LRRC4C: variants seen among roughly 807,000 people sequenced by gnomAD.
LRRC4C encodes the protein leucine rich repeat containing 4C.
Under a neutral mutation model 33.6 loss-of-function variants are expected in LRRC4C, and 5 were observed. The observed-to-expected ratio is 0.15, with a 90% confidence interval of 0.08 to 0.31. LRRC4C has a LOEUF of 0.31. LRRC4C is among the 10% of genes least tolerant of loss of function. The probability of loss-of-function intolerance (pLI) is 1.00; values close to 1 mark genes in which losing one functional copy is unlikely to be tolerated. For missense variants in LRRC4C, 560 were observed against 796.7 expected (o/e 0.70, Z 3.58); for synonymous variants, 329 against 302.0 (o/e 1.09, Z -0.93).
At chr11:40,614,507 G>T (rs976323867) in intron 3 of LRRC4C, among the ~76,000 whole-genome samples, 6 of 151,588 alleles carry the variant, frequency 4.0e-5, no homozygotes, top group Non-Finnish European at 7.4e-5. Context: ...CAATAAAGCT[G>T]TTTTGCTTTC....
chr11:40,630,330 C>T (rs796491784), intron 3 of LRRC4C, among the ~76,000 whole-genome samples: 19 of 135,556 alleles, frequency 1.4e-4, no homozygotes, highest in African/African-American at 4.4e-4. Context: ...TTTCTTCTTC[C>T]TCTTCTTCTT....
intron 1 of LRRC4C, among the ~76,000 whole-genome samples, chr11:41,442,643 G>A (rs1287213376): frequency 2.0e-5 from 3 of 151,424 alleles, no homozygotes; most frequent in Non-Finnish European, 2.9e-5. Context: ...CTAATTTTTT[G>A]TATTTTTAGT....
chr11:40,580,896 G>A (rs1388425632), intron 3 of LRRC4C, among the ~76,000 whole-genome samples: 1 of 152,158 alleles, frequency 6.6e-6, no homozygotes, highest in Admixed American at 6.5e-5. Context: ...TAGCTACCAT[G>A]GACTCAGTAA....
At chr11:40,218,654 C>CT (rs71060948) in intron 5 of LRRC4C, among the ~76,000 whole-genome samples, 16 of 141,614 alleles carry the variant, frequency 1.1e-4, no homozygotes, top group Admixed American at 3.6e-4. Context: ...ATCTATCTAT[C>CT]ATCTATTGCC....
intron 1 of LRRC4C, among the ~76,000 whole-genome samples, chr11:41,086,925 T>C (rs1281153039): frequency 6.6e-6 from 1 of 151,514 alleles, no homozygotes; most frequent in Non-Finnish European, 1.5e-5. Flanking sequence ...CTCACTAACA[T>C]TGTTTCTTCA....
rs924730702 is a variant in LRRC4C, at chr11:40,609,639, C to T, written c.-270+38503G>A. Among the ~76,000 whole-genome samples, 4 of 151,642 alleles carry T rather than the reference C, an allele frequency of 2.6e-5. 1 individual carries two copies. Among genetic ancestry groups the T allele is most frequent in the African/African-American group, 9.7e-5 (4 of 41,326 alleles). ...TGACTTAGTTTTTTGAAAAGATCAACAGGATTAACAAATCTTTAAACTAGG... is the reference window on the plus strand; with the variant it reads ...TGACTTAGTTTTTTGAAAAGATCAATAGGATTAACAAATCTTTAAACTAGG... On this transcript the variant is annotated intron_variant, in intron 3 of 6. Coordinates refer to ENST00000528697, the MANE Select transcript of LRRC4C (RefSeq NM_001258419.2).
rs1955825115 is a variant in LRRC4C, at chr11:41,446,312, T to C, written c.-496+13119A>G. Among the ~76,000 whole-genome samples, 2 of 152,200 alleles carry C rather than the reference T, an allele frequency of 1.3e-5. 1 individual carries two copies. Among genetic ancestry groups the C allele is most frequent in the South Asian group, 4.1e-4 (2 of 4,834 alleles). On this transcript the variant is annotated intron_variant, in intron 1 of 6. Coordinates refer to ENST00000528697, the MANE Select transcript of LRRC4C (RefSeq NM_001258419.2). ...TATTCTCTGTAATAAACCACCTCAA[T>C]ACGGAGAGACTTAAAACAAAAGTTA...
At chr11:40,358,369 C>T (rs115659880) in intron 3 of LRRC4C, among the ~76,000 whole-genome samples, 1,630 of 152,116 alleles carry the variant, frequency 0.011, 27 homozygotes, top group African/African-American at 0.037. Context: ...CAAGCTTCAC[C>T]TCCGGGGCTT....
chr11:40,995,621 C>CAT (rs1463013365), intron 1 of LRRC4C, among the ~76,000 whole-genome samples: 1 of 152,022 alleles, frequency 6.6e-6, no homozygotes, highest in East Asian at 1.9e-4. Flanking sequence ...TTTTAGATAC[C>CAT]ATATGTGTTT....
At chr11:41,356,466 C>T (rs1952166024) in intron 1 of LRRC4C, among the ~76,000 whole-genome samples, 1 of 152,142 alleles carries the variant, frequency 6.6e-6, no homozygotes, top group Non-Finnish European at 1.5e-5. Context: ...ACCACAGTGC[C>T]ATTGTGTAGG....
intron 1 of LRRC4C, among the ~76,000 whole-genome samples, chr11:41,095,050 T>TGAAAATACTATCTGA (rs1940718886): frequency 6.6e-6 from 1 of 152,222 alleles, no homozygotes; most frequent in African/African-American, 2.4e-5. Flanking sequence ...CACACTGCTA[T>TGAAAATACTATCTGA]GAAAATACTA....
intron 1 of LRRC4C, among the ~76,000 whole-genome samples, chr11:41,313,379 T>C (rs544147876): frequency 6.6e-6 from 1 of 152,332 alleles, no homozygotes; most frequent in East Asian, 1.9e-4. Context: ...AGTGTCACTT[T>C]GTCTAGAATT....
At chr11:40,913,345 G>A (rs1048655157) in intron 2 of LRRC4C, among the ~76,000 whole-genome samples, 1 of 152,130 alleles carries the variant, frequency 6.6e-6, no homozygotes, top group Non-Finnish European at 1.5e-5. Context: ...ATAACAAACT[G>A]TCTCTTAGAC....
At chr11:40,157,109 C>A (rs533138776) in intron 5 of LRRC4C, among the ~76,000 whole-genome samples, 1 of 151,746 alleles carries the variant, frequency 6.6e-6, no homozygotes, top group Non-Finnish European at 1.5e-5. Flanking sequence ...GAAATAAACC[C>A]AGATACAGCC....
At chr11:41,430,975 A>C (rs1955212639) in intron 1 of LRRC4C, among the ~76,000 whole-genome samples, 1 of 152,034 alleles carries the variant, frequency 6.6e-6, no homozygotes, top group South Asian at 2.1e-4. Flanking sequence ...TTGTGGCACT[A>C]CTCTCAACTA....
At chr11:41,214,189 A>G (rs974250434) in intron 1 of LRRC4C, among the ~76,000 whole-genome samples, 1 of 152,156 alleles carries the variant, frequency 6.6e-6, no homozygotes, top group Non-Finnish European at 1.5e-5. Flanking sequence ...AAGAATATGA[A>G]GGACATCTTC....
intron 2 of LRRC4C, among the ~76,000 whole-genome samples, chr11:40,685,083 C>T (rs1944891950): frequency 3.3e-5 from 5 of 151,918 alleles, no homozygotes; most frequent in Admixed American, 2.6e-4. Flanking sequence ...TTCTAATACT[C>T]AGAAAAATTG....
intron 1 of LRRC4C, among the ~76,000 whole-genome samples, chr11:41,250,545 T>G (rs2136638933): frequency 6.6e-6 from 1 of 152,300 alleles, no homozygotes; most frequent in African/African-American, 2.4e-5. Flanking sequence ...AGAAATCCAG[T>G]GGTTCAGGCA....
chr11:41,279,428 A>ACACACACACACACC (rs58139193), intron 1 of LRRC4C, among the ~76,000 whole-genome samples: 4 of 140,888 alleles, frequency 2.8e-5, no homozygotes, highest in East Asian at 2.2e-4. Context: ...ACACACACAC[A>ACACACACACACACC]CCGTGGCAAT....
Sources: allele counts gnomAD v4.1 joint callset (sites outside exome capture counted in the v4.1 genomes callset), GRCh38; gene constraint gnomAD v4.1.1; transcripts MANE v1.5; gene names NCBI Gene and HGNC (gene_info 2026-07-23, HGNC 2026-07-21).